MEGF10: variants seen among roughly 807,000 people sequenced by gnomAD.
MEGF10 encodes the protein multiple EGF like domains 10.
Under a neutral mutation model 147.5 loss-of-function variants are expected in MEGF10, and 86 were observed. That is an observed-to-expected ratio of 0.58 (90% CI 0.49 to 0.70). The LOEUF is 0.70. Among genes scored for constraint, MEGF10 ranks in the 30% least tolerant of loss-of-function variants. The pLI, the probability that MEGF10 is intolerant of heterozygous loss-of-function variation, is 0.00. For synonymous variants in MEGF10, 478 were observed against 525.5 expected, an observed-to-expected ratio of 0.91 and a Z score of 1.24; for missense variants, 1,329 against 1,487.3, an observed-to-expected ratio of 0.89 and a Z score of 1.75.
intron 13 of MEGF10, among the ~76,000 whole-genome samples, chr5:127,430,016 C>T (rs1393266426): frequency 6.6e-6 from 1 of 152,156 alleles, no homozygotes; most frequent in African/African-American, 2.4e-5. Flanking sequence ...GTACCCAACA[C>T]TTGCAATTCC....
chr5:127,301,775 C>T (rs931588225), intron 1 of MEGF10, among the ~76,000 whole-genome samples: 3 of 152,112 alleles, frequency 2.0e-5, no homozygotes, highest in Non-Finnish European at 2.9e-5. Context: ...ATAGTAAATG[C>T]TCAATATATA....
chr5:127,333,495 G>C (rs772712146), intron 2 of MEGF10, among the ~76,000 whole-genome samples: 12 of 149,286 alleles, frequency 8.0e-5, no homozygotes, highest in Non-Finnish European at 1.3e-4. Context: ...CTGGGTGACA[G>C]AGCGGACCCT....
intron 8 of MEGF10, among the ~76,000 whole-genome samples, chr5:127,406,435 A>G (rs1435284450): frequency 6.6e-6 from 1 of 152,242 alleles, no homozygotes; most frequent in African/African-American, 2.4e-5. Context: ...CATGTACACA[A>G]CAAACACATT....
intron 19 of MEGF10, chr5:127,444,699 G>T (rs1339063150): frequency 6.6e-6 from 1 of 152,202 alleles, no homozygotes; most frequent in South Asian, 2.1e-4. Flanking sequence ...AATTTAATGA[G>T]TAAGGTATTA....
chr5:127,337,433 T>A (rs1349109823), intron 2 of MEGF10, among the ~76,000 whole-genome samples: 3 of 152,118 alleles, frequency 2.0e-5, no homozygotes, highest in African/African-American at 7.2e-5. Context: ...AGCTTTAAAT[T>A]TGAATTATTT....
the MEGF10 span, among the ~76,000 whole-genome samples, chr5:127,247,362 GAA>G: frequency 1.6e-3 from 5 of 3,164 alleles, no homozygotes; most frequent in Admixed American, 0.018. Context: ...AGAAGAAGAA[GAA>G]GAAGAAGAAG....
At chr5:127,452,400 T>G (rs1005376637) in intron 22 of MEGF10, among the ~76,000 whole-genome samples, 2 of 152,246 alleles carry the variant, frequency 1.3e-5, no homozygotes, top group African/African-American at 4.8e-5. Flanking sequence ...GGCCACAGAC[T>G]GTGCCCCATC....
Position 127,422,812 on chromosome 5 carries a change from C to G in MEGF10, c.1693+40C>G, listed in dbSNP as rs777549601. ...CCGCTAATTGAAAGGTGAAACCCGC[C>G]AATTTAACACCTAGTGCTGTTCCTT... On this transcript the variant is annotated intron_variant, in intron 13 of 24. Transcript: ENST00000503335. The G allele has an allele frequency of 8.5e-6, 12 of 1,405,426 alleles. No homozygotes were observed. The Admixed American group carries it at 2.1e-4, about 24-fold the overall frequency. The allele number at this position is 1,405,426 out of a possible 1,614,324, so 87.1% of individuals were successfully genotyped here.
At chr5:127,443,183 A>C (rs1765820168) in intron 19 of MEGF10, 57 bp downstream of exon 19, 1 of 1,493,644 alleles carries the variant, frequency 6.7e-7, no homozygotes, top group Admixed American at 2.1e-5. Context: ...ACCATGTACC[A>C]GGCAATGTGA....
chr5:127,369,206 T>G (rs1762762281), intron 4 of MEGF10, among the ~76,000 whole-genome samples: 1 of 152,224 alleles, frequency 6.6e-6, no homozygotes, highest in East Asian at 1.9e-4. Context: ...ATGATAATGA[T>G]TTGGCACAGC....
chr5:127,257,431 T>C, the MEGF10 span, among the ~76,000 whole-genome samples: 2 of 152,100 alleles, frequency 1.3e-5, no homozygotes, highest in Admixed American at 1.3e-4. Context: ...AGAGACTGGT[T>C]CTGTGGCTTA....
chr5:127,346,285 C>T (rs1761884907), intron 4 of MEGF10, among the ~76,000 whole-genome samples: 1 of 152,080 alleles, frequency 6.6e-6, no homozygotes, highest in South Asian at 2.1e-4. Flanking sequence ...ATCTCCACAC[C>T]GTTTTCCATA....
At chr5:127,340,682 T>C in intron 4 of MEGF10, 52 bp downstream of exon 4, 1 of 1,458,352 alleles carries the variant, frequency 6.9e-7, no homozygotes, top group Non-Finnish European at 9.6e-7. Flanking sequence ...CCAGTGCTGG[T>C]TTGCTTCCAT....
chr5:127,447,758 G>T, intron 21 of MEGF10, 74 bp downstream of exon 21: 1 of 1,571,846 alleles, frequency 6.4e-7, no homozygotes. Flanking sequence ...ATTGAGGGCC[G>T]CTGTTCACCA....
At chr5:127,287,184 A>C (rs912585557), upstream of MEGF10, among the ~76,000 whole-genome samples, 1 of 152,014 alleles carries the variant, frequency 6.6e-6, no homozygotes, top group Non-Finnish European at 1.5e-5. Flanking sequence ...CTAACATCCT[A>C]CTTAATGGTA....
chr5:127,366,758 C>G (rs922567309), intron 4 of MEGF10, among the ~76,000 whole-genome samples: 1 of 152,124 alleles, frequency 6.6e-6, no homozygotes, highest in Non-Finnish European at 1.5e-5. Flanking sequence ...TCATAAAACA[C>G]AAAGTTTGCA....
At position 127,417,880 on chromosome 5, in the gene MEGF10, T is replaced by C. The variant is rs1580844553; in HGVS notation, c.1305+68T>C. The C allele has an allele frequency of 2.7e-6, 4 of 1,490,150 alleles. No homozygotes were observed. The East Asian group carries it at 9.2e-5, about 34-fold the overall frequency. The allele number at this position is 1,490,150 out of a possible 1,614,324, so 92.3% of individuals were successfully genotyped here. On this transcript the variant is annotated intron_variant, in intron 10 of 24. Transcript: ENST00000503335. ...TGTGAAGCATCTCAATACCATGATT[T>C]ATATGACCTCCAGTGAAATACAGTG... is the stretch of plus-strand genomic sequence containing the variant.
chr5:127,311,041 T>C (rs1760265176), intron 1 of MEGF10, among the ~76,000 whole-genome samples: 1 of 152,226 alleles, frequency 6.6e-6, no homozygotes. Context: ...TCTCCAAGTA[T>C]ATAGACAGTG....
chr5:127,411,023 C>T (rs1219510489), intron 9 of MEGF10, among the ~76,000 whole-genome samples: 2 of 151,386 alleles, frequency 1.3e-5, no homozygotes, highest in South Asian at 2.1e-4. Flanking sequence ...GACAGCACAT[C>T]TGTGGAAGAA....
Sources: gnomAD v4.1 joint callset for allele counts (sites outside exome capture counted in the v4.1 genomes callset) on GRCh38, gnomAD v4.1.1 for gene constraint, MANE v1.5 for transcripts, NCBI Gene and HGNC (gene_info 2026-07-23, HGNC 2026-07-21) for gene names.